Variants in CAMSAP1 observed in about 807,000 individuals in gnomAD.
CAMSAP1 encodes the protein calmodulin regulated spectrin associated protein 1.
A neutral mutation model predicts 143.5 loss-of-function variants in CAMSAP1; 58 were observed. The observed-to-expected ratio is 0.40, with a 90% CI of 0.33 to 0.50. The LOEUF is 0.50. CAMSAP1 is among the 20% of genes least tolerant of loss of function. CAMSAP1 has a pLI of 0.45. For missense variants in CAMSAP1, 1,969 were observed against 2,115.7 expected (o/e 0.93, Z 1.36); for synonymous variants, 945 against 859.3 (o/e 1.10, Z -1.74).
chr9:135,858,339 T>C (rs574629777), intron 5 of CAMSAP1, among the ~76,000 whole-genome samples: 80 of 152,094 alleles, frequency 5.3e-4, no homozygotes, highest in Non-Finnish European at 1.0e-3. Flanking sequence ...TTTTTTGGGT[T>C]TACTTCTACG....
intron 7 of CAMSAP1, among the ~76,000 whole-genome samples, chr9:135,840,235 A>G (rs1836290187): frequency 6.6e-6 from 1 of 152,190 alleles, no homozygotes; most frequent in Non-Finnish European, 1.5e-5. Context: ...ACAGGGCCCC[A>G]CATAATACTG....
At chr9:135,875,968 TG>T (rs1290570916) in intron 3 of CAMSAP1, among the ~76,000 whole-genome samples, 1 of 152,196 alleles carries the variant, frequency 6.6e-6, no homozygotes, top group Non-Finnish European at 1.5e-5. Context: ...AGCCTTTGCT[TG>T]TTTTTTGAAA....
chr9:135,827,337 ATATTT>A, intron 8 of CAMSAP1, 65 bp downstream of exon 8: 1 of 1,349,752 alleles, frequency 7.4e-7, no homozygotes, highest in Non-Finnish European at 9.8e-7. Flanking sequence ...ACTTCAATTA[ATATTT>A]TAAACTAACA....
At chr9:135,852,345 T>G (rs1836812621) in intron 5 of CAMSAP1, among the ~76,000 whole-genome samples, 1 of 152,258 alleles carries the variant, frequency 6.6e-6, no homozygotes, top group South Asian at 2.1e-4. Flanking sequence ...GTTTTACATT[T>G]TGATATGGTT....
Position 135,822,841 on chromosome 9 carries a change from T to C in CAMSAP1, c.1820A>G (p.Gln607Arg). ...CCGTTCATCCTCCTTGGTGATCACC[T>C]GCTTCTCTTTCGCTGGCTTAAGAAC... ...PAVLKPAKEK[Q>R]VITKEDERGE... Residue 607 changes from glutamine (Q) to arginine (R), a missense_variant, in exon 11 of 17, where the codon CAG (glutamine) becomes CGG (arginine). Physicochemically the swap from Gln to Arg is conservative, Grantham distance 43. Around this residue, in one of 4 missense-constraint regions of CAMSAP1, gnomAD observed 1,390 missense variants for 1,420.8 expected, o/e 0.98. Transcript: ENST00000389532. This position sits in a 1 kb window ranked among gnomAD's most constrained non-coding sequence, Gnocchi z 6.1. The C allele has an allele frequency of 3.1e-6, 5 of 1,613,978 alleles. No homozygotes were observed. Among genetic ancestry groups the C allele is most frequent in the Non-Finnish European group, 3.4e-6 (4 of 1,179,880 alleles).
Position 135,822,069 on chromosome 9 carries a change from G to T in CAMSAP1, c.2592C>A (p.Ser864Arg). The T allele has an allele frequency of 6.2e-7, 1 of 1,612,434 alleles. No homozygotes were observed. ...GGCTGGCGGGATCCTTGCCATGCTG[G>T]CTCGGACTCTGCTCCCTCTTCTGCC... ...TWRQKREQSP[S>R]QHGKDPASLL... Residue 864 changes from serine to arginine, a missense_variant, in exon 11 of 17, where the codon AGC becomes AGA. Around this residue, in one of 4 missense-constraint regions of CAMSAP1, gnomAD observed 1,390 missense variants for 1,420.8 expected, o/e 0.98. Transcript: ENST00000389532. This position sits in a 1 kb window ranked among gnomAD's most constrained non-coding sequence, Gnocchi z 6.1.
At chr9:135,841,410 G>A (rs1457202131) in intron 7 of CAMSAP1, among the ~76,000 whole-genome samples, 1 of 152,230 alleles carries the variant, frequency 6.6e-6, no homozygotes, top group Non-Finnish European at 1.5e-5. Context: ...GGAAGGGGTG[G>A]CTATGGGCAT....
rs1183314481 is a variant in CAMSAP1, at chr9:135,882,832, C to T, written c.407G>A (p.Arg136His). 2.6e-6 allele frequency: 4 copies of T among 1,550,712 alleles called. No individual in the cohort carries two copies. In the East Asian group the frequency reaches 7.3e-5, roughly 28 times the overall value. ...ACCACTCACCATTTTTATGGGTGCG[C>T]GACTGAGGTCGGACTCTGTCACGGG... ...DTPVTESDLS[R>H]APIKMSAHMA... Residue 136 changes from arginine (R) to histidine (H), a missense_variant, in exon 2 of 17, where the codon CGC (arginine) becomes CAC (histidine). By Grantham distance (29) the Arg-to-His change is conservative (BLOSUM62 0). Transcript: ENST00000389532. This position sits in a 1 kb window ranked among gnomAD's most constrained non-coding sequence, Gnocchi z 4.9.
chr9:135,848,108 C>T (rs1449315625), intron 7 of CAMSAP1, among the ~76,000 whole-genome samples: 2 of 151,640 alleles, frequency 1.3e-5, no homozygotes, highest in South Asian at 2.1e-4. Flanking sequence ...ATAGCCTTGA[C>T]TTAGGGCTAA....
rs59498050 is a variant in CAMSAP1 at position 135,877,496 on chromosome 9, TAA to T, written c.585+4135_585+4136del. On this transcript the variant is annotated intron_variant, in intron 3 of 16. Transcript: ENST00000389532. ...AAAATACATCTCAGTAGAGCTGTCT[TAA>T]AAAAAAAAAAAAAAAGAAAAAAACA... is the stretch of plus-strand genomic sequence containing the variant. Among the ~76,000 whole-genome samples, 344 of 128,728 alleles carry T rather than the reference TAA, an allele frequency of 2.7e-3. 1 individual carries two copies. Among genetic ancestry groups the T allele is most frequent in the African/African-American group, 6.1e-3 (214 of 35,248 alleles). The allele number at this position is 128,728 out of a possible 152,430, so 84.5% of individuals were successfully genotyped here. A position where few individuals can be genotyped will look rare whatever the true frequency, so the allele number is the denominator to read the frequency against.
Position 135,818,757 on chromosome 9 carries a change from C to T in CAMSAP1, c.3960-141G>A. On this transcript the variant is annotated intron_variant, in intron 12 of 16. Transcript: ENST00000389532. This position sits in a 1 kb window ranked among gnomAD's most constrained non-coding sequence, Gnocchi z 7.7. Reference sequence around the variant, plus strand: ...GAGTGGCCAGCCTCCACAAGCGGGACACAGAGGCTGCAAAGGCAGTCCTGC... The same window carrying T: ...GAGTGGCCAGCCTCCACAAGCGGGATACAGAGGCTGCAAAGGCAGTCCTGC... 8.6e-7 allele frequency: 1 copy of T among 1,165,006 alleles called. No individual in the cohort carries two copies. The highest frequency in any genetic ancestry group is 1.2e-6 in the Non-Finnish European group (1 of 843,930). 72.2% of individuals were successfully genotyped at this position (1,165,006 alleles called of 1,614,324 possible).
chr9:135,875,120 A>G (rs1476618379), intron 3 of CAMSAP1, among the ~76,000 whole-genome samples: 1 of 152,224 alleles, frequency 6.6e-6, no homozygotes, highest in Admixed American at 6.5e-5. Context: ...TGCATTCCCA[A>G]TCAAAATCCC....
At chr9:135,813,983 G>A (rs1003301359) in intron 16 of CAMSAP1, among the ~76,000 whole-genome samples, 3 of 152,198 alleles carry the variant, frequency 2.0e-5, no homozygotes, top group African/African-American at 4.8e-5. Flanking sequence ...AGTGGCTGTG[G>A]CTCCCTCCAC....
chr9:135,899,613 T>C (rs959700421), intron 1 of CAMSAP1, among the ~76,000 whole-genome samples: 2 of 152,110 alleles, frequency 1.3e-5, no homozygotes, highest in Non-Finnish European at 2.9e-5. Flanking sequence ...CTCAAAGCAT[T>C]CTGCGCTCTG....
At chr9:135,835,495 CAG>C (rs1195162294) in intron 7 of CAMSAP1, among the ~76,000 whole-genome samples, 1 of 152,194 alleles carries the variant, frequency 6.6e-6, no homozygotes, top group Non-Finnish European at 1.5e-5. Context: ...GCCTGGTCAG[CAG>C]AGTCACAGAA....
At chr9:135,830,148 C>CA (rs1275469360) in intron 7 of CAMSAP1, among the ~76,000 whole-genome samples, 3 of 152,064 alleles carry the variant, frequency 2.0e-5, no homozygotes, top group Non-Finnish European at 4.4e-5. Flanking sequence ...TAGCAAGAGA[C>CA]AAAGACATGC....
chr9:135,821,083 TC>T lies in CAMSAP1; in HGVS notation c.3577del (p.Glu1193SerfsTer3). 1 of 1,613,946 alleles carries T rather than the reference TC, an allele frequency of 6.2e-7. No individual in the cohort carries two copies. The highest frequency in any genetic ancestry group is 8.5e-7 in the Non-Finnish European group (1 of 1,179,886). On this transcript the variant is annotated frameshift_variant, in exon 11 of 17. Transcript: ENST00000389532. LOFTEE classifies it high-confidence loss of function. The surrounding 1 kb of genome is among the most constrained non-coding windows in gnomAD (Gnocchi z 4.6). ...CAGAACTTCTTTGAGGCTCATCTGC[TC>T]CGAAAGAATGTTGGCATCTTTGGAA... ...SSSKDANILS[E>X]QMSLKEVLDA...
rs1837237466 is a variant in CAMSAP1, at chr9:135,862,594, T to C, written c.681A>G (p.Arg227=). The change falls in exon 5 of 17, where the codon CGA becomes CGG. Residue 227 remains arginine (R), a synonymous_variant. Coordinates refer to ENST00000389532, the MANE Select transcript of CAMSAP1 (RefSeq NM_015447.4). Reference sequence around the variant, plus strand: ...GTGACTGCCTAGCAGAAAGGTGCTCTCGTCGATAGCGGACCTGTAGTTGAT... The same window carrying C: ...GTGACTGCCTAGCAGAAAGGTGCTCCCGTCGATAGCGGACCTGTAGTTGAT... ...SPAHQKVRYR[R]EHLSARQSPY... is the part of the protein sequence containing the mutation. 1 of 1,551,614 alleles carries C rather than the reference T, an allele frequency of 6.4e-7. No homozygotes were observed. The highest frequency in any genetic ancestry group is 2.0e-5 in the Admixed American group (1 of 50,988).
intron 1 of CAMSAP1, among the ~76,000 whole-genome samples, chr9:135,904,944 G>T (rs1342732566): frequency 6.7e-6 from 1 of 150,012 alleles, no homozygotes; most frequent in Non-Finnish European, 1.5e-5. Context: ...CAGGCTGGAC[G>T]ATAGAGCGAG....
Sources: allele counts gnomAD v4.1 joint callset (sites outside exome capture counted in the v4.1 genomes callset), GRCh38; gene constraint gnomAD v4.1.1; regional missense constraint gnomAD v4.1.1; non-coding constraint Gnocchi (gnomAD v3.1); transcripts MANE v1.5; gene names NCBI Gene and HGNC (gene_info 2026-07-23, HGNC 2026-07-21).